Variants in NEK7 observed in about 807,000 individuals in gnomAD.
NEK7 encodes the protein NIMA related kinase 7.
A neutral mutation model predicts 44.6 loss-of-function variants in NEK7; 18 were observed. The observed-to-expected ratio is 0.40, with a 90% confidence interval of 0.28 to 0.60. The LOEUF is 0.60. NEK7 is among the 20% of genes least tolerant of loss of function. NEK7 has a pLI of 0.38. For missense variants in NEK7, 256 were observed against 366.5 expected (o/e 0.70, Z 2.46); for synonymous variants, 130 against 121.1 (o/e 1.07, Z -0.48).
intron 5 of NEK7, among the ~76,000 whole-genome samples, chr1:198,266,851 T>C (rs976321565): frequency 6.6e-6 from 1 of 152,126 alleles, no homozygotes; most frequent in East Asian, 1.9e-4. Flanking sequence ...CATTTAAACC[T>C]CTGATCACTA....
intron 4 of NEK7, 111 bp from the exon 5 acceptor site, chr1:198,264,014 A>T (rs1224759234): frequency 2.3e-5 from 26 of 1,137,482 alleles, no homozygotes; most frequent in Non-Finnish European, 3.1e-5. Flanking sequence ...TCATGTTAAG[A>T]TTTCTGTAAT....
chr1:198,189,927 A>G (rs1264280475), intron 1 of NEK7, among the ~76,000 whole-genome samples: 1 of 152,154 alleles, frequency 6.6e-6, no homozygotes, highest in African/African-American at 2.4e-5. Flanking sequence ...ATTTTTAAAA[A>G]GAGAGGAGGG....
intron 2 of NEK7, among the ~76,000 whole-genome samples, chr1:198,244,191 C>G (rs1004517092): frequency 2.6e-5 from 4 of 151,946 alleles, no homozygotes; most frequent in Non-Finnish European, 5.9e-5. Context: ...TTTTCAATAA[C>G]AATGAAAACC....
At chr1:198,259,715 T>G (rs1022994332) in intron 3 of NEK7, among the ~76,000 whole-genome samples, 4 of 152,156 alleles carry the variant, frequency 2.6e-5, no homozygotes, top group Non-Finnish European at 4.4e-5. Context: ...GTTGATATAA[T>G]AATCCCTTTG....
intron 5 of NEK7, among the ~76,000 whole-genome samples, chr1:198,268,973 C>T (rs1653748615): frequency 6.6e-6 from 1 of 152,128 alleles, no homozygotes; most frequent in Admixed American, 6.6e-5. Flanking sequence ...ATCACTTCCT[C>T]AAGCATTTTC....
intron 2 of NEK7, among the ~76,000 whole-genome samples, chr1:198,242,188 T>A (rs1450530478): frequency 6.6e-6 from 1 of 152,054 alleles, no homozygotes; most frequent in Non-Finnish European, 1.5e-5. Flanking sequence ...AGGCCACACC[T>A]ACTACCTCCT....
intron 1 of NEK7, among the ~76,000 whole-genome samples, chr1:198,196,699 G>T (rs1427882313): frequency 6.6e-6 from 1 of 152,210 alleles, no homozygotes; most frequent in Non-Finnish European, 1.5e-5. Context: ...CTGGGAGAAA[G>T]GAGGGAAGGG....
At chr1:198,192,921 C>T (rs1275395139) in intron 1 of NEK7, among the ~76,000 whole-genome samples, 2 of 151,748 alleles carry the variant, frequency 1.3e-5, no homozygotes, top group African/African-American at 4.8e-5. Context: ...CAAGAGCAAA[C>T]AAACCCCAAA....
intron 2 of NEK7, chr1:198,245,117 A>G (rs1011746675): frequency 6.0e-6 from 1 of 166,546 alleles, no homozygotes; most frequent in African/African-American, 2.4e-5. Flanking sequence ...TAAGGAAGAA[A>G]AATGATATTT....
intron 3 of NEK7, among the ~76,000 whole-genome samples, chr1:198,256,788 A>C (rs1653281103): frequency 6.6e-6 from 1 of 152,224 alleles, no homozygotes; most frequent in Admixed American, 6.5e-5. Flanking sequence ...GGAGGAGCTT[A>C]GGAAAGAGGC....
intron 2 of NEK7, among the ~76,000 whole-genome samples, chr1:198,252,647 CAT>C (rs1342042449): frequency 2.0e-4 from 27 of 132,770 alleles, no homozygotes; most frequent in East Asian, 9.0e-4. Context: ...TATATTAAAA[CAT>C]ATATGTATGT....
chr1:198,311,653 A>G (rs1265406418), intron 9 of NEK7, among the ~76,000 whole-genome samples: 6 of 151,662 alleles, frequency 4.0e-5, no homozygotes, highest in Admixed American at 4.0e-4. Context: ...ATGAAGGGTT[A>G]TTGAATTTTG....
chr1:198,304,310 T>A (rs573608558), intron 9 of NEK7, among the ~76,000 whole-genome samples: 1 of 152,232 alleles, frequency 6.6e-6, no homozygotes, highest in Non-Finnish European at 1.5e-5. Context: ...TTCTTTTCCC[T>A]TTCCCTTTAC....
chr1:198,204,285 T>C (rs1665524684), intron 1 of NEK7, among the ~76,000 whole-genome samples: 1 of 151,936 alleles, frequency 6.6e-6, no homozygotes, highest in African/African-American at 2.4e-5. Flanking sequence ...AAATAAAAAA[T>C]AAATATGAGA....
intron 9 of NEK7, among the ~76,000 whole-genome samples, chr1:198,316,794 C>T (rs534521500): frequency 1.1e-3 from 162 of 152,178 alleles, no homozygotes; most frequent in Non-Finnish European, 2.0e-3. Context: ...ATTGAATGAA[C>T]GGATGAAAAT....
chr1:198,299,715 A>G (rs1654826691), intron 9 of NEK7, among the ~76,000 whole-genome samples: 1 of 152,142 alleles, frequency 6.6e-6, no homozygotes, highest in African/African-American at 2.4e-5. Flanking sequence ...TGCCCAAACA[A>G]GATTTTAAGG....
chr1:198,262,307 CT>C (rs1250588145), intron 3 of NEK7, among the ~76,000 whole-genome samples: 1 of 151,874 alleles, frequency 6.6e-6, no homozygotes, highest in Non-Finnish European at 1.5e-5. Flanking sequence ...ATAATCACAA[CT>C]TTAATTTTGT....
intron 7 of NEK7, among the ~76,000 whole-genome samples, chr1:198,281,832 A>G (rs954438174): frequency 9.2e-5 from 14 of 152,040 alleles, no homozygotes; most frequent in African/African-American, 1.7e-4. Flanking sequence ...TCATTCCATA[A>G]TAAATCAACA....
Position 198,267,740 on chromosome 1 carries a change from GC to G in NEK7, c.372+3507del, listed in dbSNP as rs1160556574. Among the ~76,000 whole-genome samples the G allele has an allele frequency of 5.9e-5, 9 of 152,198 alleles. 1 individual carries two copies. In the South Asian group the frequency reaches 1.0e-3, roughly 18 times the overall value. The stretch of plus-strand genomic sequence containing the variant: ...TTACAGGTGTGAGCCACTGTGTCCA[GC>G]CTGTGTGTTGCTATTTTAAGTAAGA... On this transcript the variant is annotated intron_variant, in intron 5 of 9. Transcript: ENST00000367385.
Sources: gnomAD v4.1 joint callset for allele counts (sites outside exome capture counted in the v4.1 genomes callset) on GRCh38, gnomAD v4.1.1 for gene constraint, MANE v1.5 for transcripts, NCBI Gene and HGNC (gene_info 2026-07-23, HGNC 2026-07-21) for gene names.